IL21R: variants seen among roughly 807,000 people sequenced by gnomAD.
IL21R encodes the protein interleukin-21 receptor.
Under a neutral mutation model 41.3 loss-of-function variants are expected in IL21R, and 14 were observed. The observed-to-expected ratio is 0.34, with a 90% CI of 0.22 to 0.53. The LOEUF is 0.53. IL21R is among the 20% of genes least tolerant of loss of function. The pLI, the probability that IL21R is intolerant of heterozygous loss-of-function variation, is 0.94. For missense variants in IL21R, 588 were observed against 681.6 expected (o/e 0.86, Z 1.53); for synonymous variants, 286 against 287.6 (o/e 0.99, Z 0.05).
Position 27,444,816 on chromosome 16 carries a change from G to A in IL21R, c.685+97G>A, listed in dbSNP as rs185148531. 5.3e-6 allele frequency: 6 copies of A among 1,126,660 alleles called. No individual in the cohort carries two copies. The East Asian group carries it at 1.6e-4, about 30-fold the overall frequency. The allele number at this position is 1,126,660 out of a possible 1,614,324, so 69.8% of individuals were successfully genotyped here. A position where few individuals can be genotyped will look rare whatever the true frequency, so the allele number is the denominator to read the frequency against. On this transcript the variant is annotated intron_variant, in intron 6 of 8. Coordinates refer to ENST00000337929, the MANE Select transcript of IL21R (RefSeq NM_181078.3). ...CTGAGCTTTCTGGCACAGCTGGGAG[G>A]TATTCAGTTGTTCATCCTCAGATGT...
At position 27,449,348 on chromosome 16, in the gene IL21R, TG is replaced by T; in HGVS notation, c.*68del. 1 of 1,486,848 alleles carries T rather than the reference TG, an allele frequency of 6.7e-7. No homozygotes were observed. Among genetic ancestry groups the T allele is most frequent in the Non-Finnish European group, 9.0e-7 (1 of 1,116,590 alleles). The allele number at this position is 1,486,848 out of a possible 1,614,324, so 92.1% of individuals were successfully genotyped here. On this transcript the variant is annotated 3_prime_UTR_variant, in exon 9 of 9. Transcript: ENST00000337929. ...GCCCTGAGCCAGAGACAAGGTCACCTGGGCTGTGATGTGAAGACACCTGCAG... is the reference window on the plus strand; with the variant it reads ...GCCCTGAGCCAGAGACAAGGTCACCTGGCTGTGATGTGAAGACACCTGCAG...
chr16:27,412,294 A>T (rs2086834019), intron 1 of IL21R, among the ~76,000 whole-genome samples: 1 of 152,102 alleles, frequency 6.6e-6, no homozygotes, highest in African/African-American at 2.4e-5. Flanking sequence ...ATTGGTCTGT[A>T]TATCTATCTG....
chr16:27,450,229 C>G lies in IL21R; in HGVS notation c.*946C>G, dbSNP rs1596602368. On this transcript the variant is annotated 3_prime_UTR_variant, in exon 9 of 9. Transcript: ENST00000337929. ...TCGTCTCTTGGAAACAGCTCCCCAC[C>G]AACCAAGATTTCTTTTTCTAACTTC... The G allele has an allele frequency of 4.3e-6, 1 of 232,940 alleles. No individual in the cohort carries two copies. The highest frequency in any genetic ancestry group is 8.5e-6 in the Non-Finnish European group (1 of 117,820). 14.4% of individuals were successfully genotyped at this position (232,940 alleles called of 1,614,324 possible).
chr16:27,430,720 C>T (rs908112488), intron 2 of IL21R, among the ~76,000 whole-genome samples: 6 of 151,934 alleles, frequency 3.9e-5, no homozygotes, highest in South Asian at 2.1e-4. Flanking sequence ...GGGGCTGAGG[C>T]GGGAGGATTG....
intron 1 of IL21R, among the ~76,000 whole-genome samples, chr16:27,410,264 C>T (rs553637620): frequency 4.7e-5 from 7 of 150,468 alleles, no homozygotes; most frequent in Admixed American, 6.6e-5. Flanking sequence ...ACCCAGGAGG[C>T]GGAGGTTGCA....
At chr16:27,418,558 G>A (rs1035780002) in intron 1 of IL21R, among the ~76,000 whole-genome samples, 1 of 151,944 alleles carries the variant, frequency 6.6e-6, no homozygotes, top group African/African-American at 2.4e-5. Flanking sequence ...TTTTAGTAGA[G>A]ACGGGGTTTC....
At chr16:27,446,739 T>C (rs2087487503) in intron 8 of IL21R, among the ~76,000 whole-genome samples, 1 of 151,900 alleles carries the variant, frequency 6.6e-6, no homozygotes, top group African/African-American at 2.4e-5. Flanking sequence ...TTAATCTGGG[T>C]TGGAGAGGGA....
rs957575345 is a variant in IL21R at position 27,450,124 on chromosome 16, C to T, written c.*841C>T. The T allele has an allele frequency of 6.9e-5, 16 of 232,776 alleles. No individual in the cohort carries two copies. Among genetic ancestry groups the T allele is most frequent in the East Asian group, 1.8e-4 (3 of 16,532 alleles). The allele number at this position is 232,776 out of a possible 1,614,324, so 14.4% of individuals were successfully genotyped here. ...CGGGGGTGAGAACATCAATCGTCAGCGACAGCCTGGGCACCCGCGGGGCCG... is the reference window on the plus strand; with the variant it reads ...CGGGGGTGAGAACATCAATCGTCAGTGACAGCCTGGGCACCCGCGGGGCCG... On this transcript the variant is annotated 3_prime_UTR_variant, in exon 9 of 9. Coordinates refer to ENST00000337929, the MANE Select transcript of IL21R (RefSeq NM_181078.3).
Position 27,449,037 on chromosome 16 carries a change from G to T in IL21R, c.1371G>T (p.Glu457Asp), listed in dbSNP as rs1284433483. ...DRLKPPLADG[E>D]DWAGGLPWGG... ...TAAAGCCACCCCTTGCAGATGGGGA[G>T]GACTGGGCTGGGGGACTGCCCTGGG... is the stretch of plus-strand genomic sequence containing the variant. Residue 457 changes from glutamate (E) to aspartate (D), a missense_variant, in exon 9 of 9, where the codon GAG becomes GAT. Physicochemically the swap from Glu to Asp is conservative, Grantham distance 45. Coordinates refer to ENST00000337929, the MANE Select transcript of IL21R (RefSeq NM_181078.3). 1.2e-6 allele frequency: 2 copies of T among 1,612,226 alleles called. No individual in the cohort carries two copies. The highest frequency in any genetic ancestry group is 8.5e-7 in the Non-Finnish European group (1 of 1,179,542).
At chr16:27,437,420 G>A in intron 3 of IL21R, 68 bp from the exon 4 acceptor site, 1 of 1,299,162 alleles carries the variant, frequency 7.7e-7, no homozygotes, top group Non-Finnish European at 1.1e-6. Flanking sequence ...CTGGCCCTGA[G>A]CACTGAGCCC....
At position 27,420,923 on chromosome 16, in the gene IL21R, A is replaced by G. The variant is rs114257420; in HGVS notation, c.-16-9133A>G. ...GAAGATTTACACCTAGGTTTATTCTAAGAGTTTAATAGTTTTACTTTTTAC... is the reference window on the plus strand; with the variant it reads ...GAAGATTTACACCTAGGTTTATTCTGAGAGTTTAATAGTTTTACTTTTTAC... On this transcript the variant is annotated intron_variant, in intron 1 of 8. Coordinates refer to ENST00000337929, the MANE Select transcript of IL21R (RefSeq NM_181078.3). Among the ~76,000 whole-genome samples the G allele has an allele frequency of 2.8e-3, 431 of 152,320 alleles. 3 individuals carry two copies. The highest frequency in any genetic ancestry group is 9.7e-3 in the African/African-American group (404 of 41,574).
intron 1 of IL21R, chr16:27,403,216 G>A (rs535389329): frequency 4.3e-5 from 57 of 1,338,282 alleles, no homozygotes; most frequent in Admixed American, 4.5e-5. Flanking sequence ...GGAACGGGTC[G>A]GATGGTAAGA....
intron 7 of IL21R, 140 bp from the exon 8 acceptor site, chr16:27,445,867 C>G: frequency 1.8e-6 from 1 of 553,200 alleles, no homozygotes; most frequent in Non-Finnish European, 3.2e-6. Context: ...GAAACCAAGC[C>G]CCAGGGAAGG....
intron 1 of IL21R, among the ~76,000 whole-genome samples, chr16:27,412,634 T>C (rs2086839079): frequency 6.6e-6 from 1 of 152,152 alleles, no homozygotes; most frequent in Non-Finnish European, 1.5e-5. Context: ...TGGGATGTCT[T>C]TTCACTTATC....
In IL21R at chr16:27,437,544, C is replaced by T. The variant is rs780430063; in HGVS notation, c.209C>T (p.Ser70Leu). The T allele has an allele frequency of 5.0e-5, 80 of 1,614,060 alleles. No individual in the cohort carries two copies. Among genetic ancestry groups the T allele is most frequent in the Middle Eastern group, 3.3e-4 (2 of 6,068 alleles). The change falls in exon 4 of 9, where the codon TCG (serine) becomes TTG (leucine). Residue 70 changes from serine (S) to leucine (L), a missense_variant. By Grantham distance (145) the Ser-to-Leu change is moderately radical. Transcript: ENST00000337929. ...GCCACCTCCTGCAGCCTCCACAGGT[C>T]GGCCCACAATGCCACGCATGCCACC... is the stretch of plus-strand genomic sequence containing the variant. ...DEATSCSLHR[S>L]AHNATHATYT...
At chr16:27,419,289 G>C (rs2086960041) in intron 1 of IL21R, among the ~76,000 whole-genome samples, 1 of 152,154 alleles carries the variant, frequency 6.6e-6, no homozygotes. Context: ...TCACCAATAT[G>C]ACTGTCTTCC....
chr16:27,417,023 C>T (rs1567358121), intron 1 of IL21R, among the ~76,000 whole-genome samples: 1 of 152,090 alleles, frequency 6.6e-6, no homozygotes, highest in Admixed American at 6.5e-5. Flanking sequence ...ATTCACCAGT[C>T]GATAGAAATT....
In IL21R at chr16:27,402,422, C is replaced by G. The variant is rs370432994; in HGVS notation, c.-213C>G. ...ACACCTGCCTGGAGGCCCAGCTGCC[C>G]GTCATCAGAGTGACAGGTCTTATGA... On this transcript the variant is annotated 5_prime_UTR_variant, in exon 1 of 9. Transcript: ENST00000337929. 1 of 152,518 alleles carries G rather than the reference C, an allele frequency of 6.6e-6. No individual in the cohort carries two copies. The highest frequency in any genetic ancestry group is 2.4e-5 in the African/African-American group (1 of 41,438). The allele number at this position is 152,518 out of a possible 1,614,324, so 9.4% of individuals were successfully genotyped here.
At chr16:27,429,926 G>A in intron 1 of IL21R, 130 bp from the exon 2 acceptor site, 1 of 712,006 alleles carries the variant, frequency 1.4e-6, no homozygotes, top group Non-Finnish European at 2.3e-6. Context: ...AGGCCCCTCG[G>A]GATCTTGCAT....
Sources: gnomAD v4.1 joint callset for allele counts (sites outside exome capture counted in the v4.1 genomes callset) on GRCh38, gnomAD v4.1.1 for gene constraint, MANE v1.5 for transcripts, NCBI Gene and HGNC (gene_info 2026-07-23, HGNC 2026-07-21) for gene names.